Variants in RNF213 observed in about 807,000 individuals in gnomAD.
RNF213 encodes the protein E3 ubiquitin-protein ligase RNF213.
Under a neutral mutation model 514.4 loss-of-function variants are expected in RNF213, and 341 were observed. The ratio of observed to expected loss-of-function variants is 0.66; its 90% CI spans 0.61 to 0.73. RNF213 has a LOEUF of 0.73. Among genes scored for constraint, RNF213 ranks in the 30% least tolerant of loss-of-function variants. RNF213 has a pLI of 0.00. For synonymous variants in RNF213, 2,655 were observed against 2,658.2 expected (o/e 1.00, Z 0.04); for missense variants, 5,767 against 6,615.6 (o/e 0.87, Z 4.45).
chr17:80,325,717 GGAGA>G lies in RNF213; in HGVS notation c.3193+528_3193+531del, dbSNP rs905312367. ...CCCCAGGTGTTTTGTGGTCAAGGAG[GGAGA>G]GAGAGAGACATTCCATCCTAAAAAC... On this transcript the variant is annotated intron_variant, in intron 18 of 67. Coordinates refer to ENST00000582970, the MANE Select transcript of RNF213 (RefSeq NM_001256071.3). Among the ~76,000 whole-genome samples, 7 of 152,020 alleles carry G rather than the reference GGAGA, an allele frequency of 4.6e-5. No individual in the cohort carries two copies. The South Asian group carries it at 1.0e-3, about 23-fold the overall frequency.
rs1005114328 is a variant in RNF213 at position 80,377,115 on chromosome 17, G to T, written c.13510+152G>T. On this transcript the variant is annotated intron_variant, in intron 53 of 67. Transcript: ENST00000582970. This position sits in a 1 kb window ranked among gnomAD's most constrained non-coding sequence, Gnocchi z 4.1. ...TCTACCGGTGGCGTCTGCAGAAGAC[G>T]AATGGCTTGAAGGAGCTGGCACTCC... 7 of 676,486 alleles carry T rather than the reference G, an allele frequency of 1.0e-5. No individual in the cohort carries two copies. The highest frequency in any genetic ancestry group is 1.9e-5 in the Non-Finnish European group (7 of 372,094). 41.9% of individuals were successfully genotyped at this position (676,486 alleles called of 1,614,324 possible). A position where few individuals can be genotyped will look rare whatever the true frequency, so the allele number is the denominator to read the frequency against.
intron 26 of RNF213, among the ~76,000 whole-genome samples, chr17:80,342,717 A>AGTATGTATATATATATTATATATATATT (rs1164755859): frequency 2.8e-4 from 41 of 144,654 alleles, no homozygotes; most frequent in African/African-American, 8.8e-4. Flanking sequence ...ATACATATAT[A>AGTATGTATATATATATTATATATATATT]GTATGTATAT....
Position 80,343,213 on chromosome 17 carries a change from G to A in RNF213, c.6071G>A (p.Arg2024Gln). Residue 2024 changes from arginine (R) to glutamine (Q), a missense_variant, in exon 27 of 68, where the codon CGA (arginine) becomes CAA (glutamine). By Grantham distance (43) the Arg-to-Gln change is conservative (BLOSUM62 1). Transcript: ENST00000582970. This position sits in a 1 kb window ranked among gnomAD's most constrained non-coding sequence, Gnocchi z 4.3. ...NVKNVPLKTI[R>Q]LIDPQVDESR... ...AAAAATGTGCCTCTGAAAACAATTC[G>A]ACTGATCGACCCTCAGGTGGATGAG... The A allele has an allele frequency of 3.1e-6, 5 of 1,613,944 alleles. No individual in the cohort carries two copies. Among genetic ancestry groups the A allele is most frequent in the Non-Finnish European group, 4.2e-6 (5 of 1,179,938 alleles).
rs767516820 is a variant in RNF213, at chr17:80,351,769, G to A, written c.10269G>A (p.Val3423=). ...FVYFITKLSR[V]GRGTAYVGFH... Reference sequence around the variant, plus strand: ...ATTTCATCACAAAACTGTCCCGGGTGGGAAGAGGAACAGCCTATGTGGGCT... The same window carrying A: ...ATTTCATCACAAAACTGTCCCGGGTAGGAAGAGGAACAGCCTATGTGGGCT... Residue 3423 remains valine, a synonymous_variant, in exon 32 of 68, where the codon GTG becomes GTA. Coordinates refer to ENST00000582970, the MANE Select transcript of RNF213 (RefSeq NM_001256071.3). 3.7e-6 allele frequency: 6 copies of A among 1,610,814 alleles called. No individual in the cohort carries two copies. In the East Asian group the frequency reaches 1.1e-4, roughly 30 times the overall value.
Position 80,386,400 on chromosome 17 carries a change from C to CCG in RNF213, c.14691_14692dup (p.Val4898AlafsTer33). ...CGCCTACACAATGAAATTGTCTACG[C>CCG]CGTGGAAAAACTCTCCAAGGAAAAC... On this transcript the variant is annotated frameshift_variant, in exon 62 of 68. Transcript: ENST00000582970. LOFTEE classifies it high-confidence loss of function. 1 of 1,614,164 alleles carries CCG rather than the reference C, an allele frequency of 6.2e-7. No homozygotes were observed. The highest frequency in any genetic ancestry group is 8.5e-7 in the Non-Finnish European group (1 of 1,180,032).
At chr17:80,311,743 C>T (rs1009447911) in intron 14 of RNF213, among the ~76,000 whole-genome samples, 1 of 152,234 alleles carries the variant, frequency 6.6e-6, no homozygotes, top group Non-Finnish European at 1.5e-5. Context: ...AGGCGTGGGC[C>T]TCTCGGTGCT....
rs773504923 is a variant in RNF213, at chr17:80,290,500, C to T, written c.1113-70C>T. On this transcript the variant is annotated intron_variant, in intron 6 of 67. Transcript: ENST00000582970. ...GTGTGTGCGCACGTGTGTGTGTGCG[C>T]GTGTGTGCATGCACATGGCAGGTGG... 7.3e-4 allele frequency: 1,135 copies of T among 1,560,642 alleles called. 3 individuals are homozygous for T. Among genetic ancestry groups the T allele is most frequent in the Non-Finnish European group, 8.9e-4 (1,005 of 1,134,564 alleles).
chr17:80,359,510 G>A (rs1227333456), intron 37 of RNF213, among the ~76,000 whole-genome samples: 3 of 108,866 alleles, frequency 2.8e-5, no homozygotes, highest in African/African-American at 1.1e-4. Flanking sequence ...TGGTGACAGA[G>A]TGAGACTCTA....
chr17:80,392,717 G>A (rs2080527467), intron 67 of RNF213, among the ~76,000 whole-genome samples: 1 of 151,772 alleles, frequency 6.6e-6, no homozygotes, highest in South Asian at 2.1e-4. Context: ...AGCCTCCCGA[G>A]TAGCTGGGAT....
chr17:80,325,421 T>C (rs1387868994), intron 18 of RNF213, among the ~76,000 whole-genome samples: 3 of 152,142 alleles, frequency 2.0e-5, no homozygotes, highest in Non-Finnish European at 4.4e-5. Context: ...ATGCTTGCTG[T>C]ACCCTAGCGA....
intron 56 of RNF213, 168 bp from the exon 57 acceptor site, chr17:80,381,379 C>T (rs980032103): frequency 2.7e-5 from 20 of 734,952 alleles, no homozygotes; most frequent in African/African-American, 1.6e-4. Flanking sequence ...AGCCAGCAGC[C>T]GTTCCGCTTG....
chr17:80,337,037 G>T, intron 23 of RNF213: 1 of 163,738 alleles, frequency 6.1e-6, no homozygotes, highest in Non-Finnish European at 1.3e-5. Flanking sequence ...GTGGGTGGAG[G>T]AAGAAGTGAC....
chr17:80,290,194 A>G (rs1476524964), intron 6 of RNF213, among the ~76,000 whole-genome samples: 3 of 152,216 alleles, frequency 2.0e-5, no homozygotes, highest in Admixed American at 2.0e-4. Flanking sequence ...CAGTGAAGAG[A>G]GACCTCCATG....
At chr17:80,361,911 A>G in intron 39 of RNF213, 23 bp downstream of exon 39, 1 of 1,606,960 alleles carries the variant, frequency 6.2e-7, no homozygotes, top group East Asian at 2.2e-5. Flanking sequence ...ATACTGGCTA[A>G]GGGTCAGGTG....
At position 80,380,820 on chromosome 17, in the gene RNF213, G is replaced by A. The variant is rs759508808; in HGVS notation, c.13641-11G>A. On this transcript the variant is annotated splice_polypyrimidine_tract_variant and intron_variant, in intron 55 of 67. Transcript: ENST00000582970. ...CTCAGCCTCTGTCTTGTGTTCTCTC[G>A]TTCTTTCCAGAGACAAGGCAGACAG... 2.1e-5 allele frequency: 34 copies of A among 1,614,160 alleles called. No individual in the cohort carries two copies. Among genetic ancestry groups the A allele is most frequent in the African/African-American group, 2.7e-5 (2 of 75,042 alleles).
At chr17:80,277,709 G>T (rs1390060581) in intron 3 of RNF213, among the ~76,000 whole-genome samples, 1 of 152,122 alleles carries the variant, frequency 6.6e-6, no homozygotes, top group African/African-American at 2.4e-5. Flanking sequence ...GAGTTTACAG[G>T]GGCTTTTGCG....
At position 80,288,468 on chromosome 17, in the gene RNF213, C is replaced by T; in HGVS notation, c.810+105C>T. On this transcript the variant is annotated intron_variant, in intron 4 of 67. Coordinates refer to ENST00000582970, the MANE Select transcript of RNF213 (RefSeq NM_001256071.3). This position sits in a 1 kb window ranked among gnomAD's most constrained non-coding sequence, Gnocchi z 4.9. Reference sequence around the variant, plus strand: ...CTTCCCTGCCGGGGGGAGGGGCGTCCTCTGGGCCCTGCTCCCTGGGTGGGA... The same window carrying T: ...CTTCCCTGCCGGGGGGAGGGGCGTCTTCTGGGCCCTGCTCCCTGGGTGGGA... The T allele has an allele frequency of 1.3e-6, 2 of 1,593,414 alleles. No individual in the cohort carries two copies. The highest frequency in any genetic ancestry group is 1.7e-6 in the Non-Finnish European group (2 of 1,167,166).
intron 36 of RNF213, chr17:80,354,876 A>C: frequency 2.3e-6 from 1 of 435,246 alleles, no homozygotes; most frequent in Non-Finnish European, 4.3e-6. Flanking sequence ...CATGTTGATA[A>C]CCCTAGAAAG....
chr17:80,363,702 A>C lies in RNF213; in HGVS notation c.11662A>C (p.Asn3888His). The change falls in exon 41 of 68, where the codon AAT becomes CAT. Residue 3888 changes from asparagine (N) to histidine (H), a missense_variant. Around this residue, in one of 13 missense-constraint regions of RNF213, gnomAD observed 355 missense variants for 358.0 expected, o/e 0.99. Transcript: ENST00000582970. ...CCAGGCGTGGCTACAGTTGGTGAAG[A>C]ATCTTTCCATGCCGCTGGAGCTCAT... ...SPQAWLQLVKNLSMPLELICS... is the reference protein window; with the variant it reads ...SPQAWLQLVKHLSMPLELICS... 1 of 1,613,982 alleles carries C rather than the reference A, an allele frequency of 6.2e-7. No individual in the cohort carries two copies. The highest frequency in any genetic ancestry group is 8.5e-7 in the Non-Finnish European group (1 of 1,179,974).
Sources: allele counts gnomAD v4.1 joint callset (sites outside exome capture counted in the v4.1 genomes callset), GRCh38; gene constraint gnomAD v4.1.1; regional missense constraint gnomAD v4.1.1; non-coding constraint Gnocchi (gnomAD v3.1); transcripts MANE v1.5; gene names NCBI Gene and HGNC (gene_info 2026-07-23, HGNC 2026-07-21).